The following ARIH2 variants were observed in gnomAD, a reference collection of about 807,000 sequenced individuals.
ARIH2 encodes ariadne RBR E3 ubiquitin protein ligase 2.
Under a neutral mutation model 79.8 loss-of-function variants are expected in ARIH2, and 12 were observed. The ratio of observed to expected loss-of-function variants is 0.15; its 90% CI spans 0.10 to 0.24. ARIH2 has a LOEUF of 0.24. Among genes scored for constraint, ARIH2 ranks in the 10% least tolerant of loss-of-function variants. The pLI, the probability that ARIH2 is intolerant of heterozygous loss-of-function variation, is 1.00. For missense variants in ARIH2, 301 were observed against 618.3 expected, an observed-to-expected ratio of 0.49 and a Z score of 5.44; for synonymous variants, 224 against 213.9, an observed-to-expected ratio of 1.05 and a Z score of -0.41.
intron 2 of ARIH2, among the ~76,000 whole-genome samples, chr3:48,923,186 G>A (rs1386915397): frequency 3.3e-5 from 5 of 151,182 alleles, no homozygotes; most frequent in East Asian, 1.9e-4. Context: ...CAGCCTGGGC[G>A]ACAGAGCGAG....
At chr3:48,979,834 G>A (rs2092687009) in intron 12 of ARIH2, 1 of 514,050 alleles carries the variant, frequency 1.9e-6, no homozygotes, top group South Asian at 3.6e-5. Context: ...AACAGGGAAG[G>A]ACCTGGTACT....
chr3:48,950,429 T>C, intron 3 of ARIH2, among the ~76,000 whole-genome samples: 1 of 152,238 alleles, frequency 6.6e-6, no homozygotes, highest in East Asian at 1.9e-4. Context: ...GATTACCGTA[T>C]GTAGCTTTAT....
chr3:48,931,122 CT>C (rs1261502046), intron 3 of ARIH2, among the ~76,000 whole-genome samples: 4 of 152,108 alleles, frequency 2.6e-5, no homozygotes, highest in Non-Finnish European at 4.4e-5. Flanking sequence ...AGCTCTTGCC[CT>C]GTCTCACAAC....
chr3:48,945,272 C>G, intron 3 of ARIH2: 20 of 1,188,038 alleles, frequency 1.7e-5, no homozygotes, highest in Non-Finnish European at 2.2e-5. Flanking sequence ...ATGTTGTTAA[C>G]TTGTCCTTGA....
In ARIH2 at chr3:48,973,494, A is replaced by T; in HGVS notation, c.771-205A>T. On this transcript the variant is annotated intron_variant, in intron 8 of 15. Transcript: ENST00000356401. ...CGGGAGGTTGAGTCAGGAGAATGGC[A>T]TGAACCCGGGAGGCAGAGCTTGCAG... 3 of 405,486 alleles carry T rather than the reference A, an allele frequency of 7.4e-6. No homozygotes were observed. The South Asian group carries it at 8.2e-5, about 11-fold the overall frequency. The allele number at this position is 405,486 out of a possible 1,614,324, so 25.1% of individuals were successfully genotyped here. A position where few individuals can be genotyped will look rare whatever the true frequency, so the allele number is the denominator to read the frequency against.
chr3:48,940,737 G>A (rs1314137590), intron 3 of ARIH2, among the ~76,000 whole-genome samples: 1 of 147,644 alleles, frequency 6.8e-6, no homozygotes, highest in Non-Finnish European at 1.5e-5. Context: ...AGAGGTTCCA[G>A]TGAGCTGAGA....
intron 3 of ARIH2, among the ~76,000 whole-genome samples, chr3:48,958,086 C>T (rs185032426): frequency 4.6e-5 from 7 of 152,234 alleles, no homozygotes; most frequent in Non-Finnish European, 5.9e-5. Flanking sequence ...TCAAAACTCC[C>T]GTGCTGCAGG....
intron 3 of ARIH2, among the ~76,000 whole-genome samples, chr3:48,947,008 A>G (rs1395010223): frequency 6.6e-6 from 1 of 152,218 alleles, no homozygotes. Flanking sequence ...CACAAATGTG[A>G]TTGCCCAAAG....
intron 14 of ARIH2, 141 bp downstream of exon 14, chr3:48,981,869 C>G (rs941051194): frequency 1.5e-4 from 98 of 634,328 alleles, no homozygotes; most frequent in Non-Finnish European, 9.0e-5. Context: ...CAAAATTCCA[C>G]TTCTGCTCTG....
chr3:48,922,247 T>C (rs2106806061), intron 1 of ARIH2: 1 of 151,984 alleles, frequency 6.6e-6, no homozygotes, highest in Non-Finnish European at 1.5e-5. Context: ...AAAGAAGTGG[T>C]CTTTCAAACT....
intron 3 of ARIH2, among the ~76,000 whole-genome samples, chr3:48,954,449 A>G (rs2090353054): frequency 6.6e-6 from 1 of 152,066 alleles, no homozygotes; most frequent in Admixed American, 6.6e-5. Context: ...AAAAAAAAAA[A>G]AGTTTTTTTC....
At chr3:48,919,160 C>G in intron 1 of ARIH2, 162 bp downstream of exon 1, 1 of 1,301,412 alleles carries the variant, frequency 7.7e-7, no homozygotes, top group Non-Finnish European at 9.7e-7. Context: ...TACCCGCCGT[C>G]AGCGGCCGGG....
chr3:48,976,801 T>G (rs2092526291), intron 11 of ARIH2, among the ~76,000 whole-genome samples: 1 of 152,094 alleles, frequency 6.6e-6, no homozygotes, highest in Non-Finnish European at 1.5e-5. Flanking sequence ...CAGAGTTCAC[T>G]GCCATCTCAC....
rs1451005020 is a variant in ARIH2, at chr3:48,985,455, T to C, written c.*2185T>C. On this transcript the variant is annotated 3_prime_UTR_variant, in exon 16 of 16. Coordinates refer to ENST00000356401, the MANE Select transcript of ARIH2 (RefSeq NM_006321.4). The stretch of plus-strand genomic sequence containing the variant: ...ATTTACCATATATCTTTGTTTTTCT[T>C]CAACGAAAAAGTTAATTGAGGCAAT... 6.6e-6 allele frequency: 1 copy of C among 152,242 alleles called. No individual in the cohort carries two copies. The allele number at this position is 152,242 out of a possible 1,614,324, so 9.4% of individuals were successfully genotyped here.
chr3:48,959,302 C>T (rs1223495577), intron 3 of ARIH2, among the ~76,000 whole-genome samples: 2 of 141,830 alleles, frequency 1.4e-5, no homozygotes, highest in Non-Finnish European at 3.0e-5. Flanking sequence ...GGTAATACAG[C>T]GAGACTCCAT....
chr3:48,936,567 T>A lies in ARIH2; in HGVS notation c.255+8754T>A, dbSNP rs370326084. Among the ~76,000 whole-genome samples the A allele has an allele frequency of 7.9e-5, 12 of 151,938 alleles. 2 individuals are homozygous for A. The highest frequency in any genetic ancestry group is 2.7e-4 in the African/African-American group (11 of 41,390). On this transcript the variant is annotated intron_variant, in intron 3 of 15. Transcript: ENST00000356401. The stretch of plus-strand genomic sequence containing the variant: ...AGCTAACATGGTGAAACCCTGTCTC[T>A]ACTAAATATACAAAAATTAGCTGGG...
At chr3:48,944,698 C>T (rs750691931) in intron 3 of ARIH2, among the ~76,000 whole-genome samples, 12 of 152,234 alleles carry the variant, frequency 7.9e-5, no homozygotes, top group Non-Finnish European at 1.3e-4. Flanking sequence ...GTCAGAAGCC[C>T]TATGAGACCC....
In ARIH2 at chr3:48,980,337, C is replaced by G; in HGVS notation, c.1114-16C>G. 1 of 1,610,984 alleles carries G rather than the reference C, an allele frequency of 6.2e-7. No individual in the cohort carries two copies. Among genetic ancestry groups the G allele is most frequent in the Non-Finnish European group, 8.5e-7 (1 of 1,179,162 alleles). Reference sequence around the variant, plus strand: ...ATGGGACTCCTGTGGTTTTCTTCTTCTTCTGTGCCCTGTAGTGGGAAAACC... The same window carrying G: ...ATGGGACTCCTGTGGTTTTCTTCTTGTTCTGTGCCCTGTAGTGGGAAAACC... On this transcript the variant is annotated splice_polypyrimidine_tract_variant and intron_variant, in intron 12 of 15. Coordinates refer to ENST00000356401, the MANE Select transcript of ARIH2 (RefSeq NM_006321.4).
intron 3 of ARIH2, among the ~76,000 whole-genome samples, chr3:48,946,522 A>G (rs1324135441): frequency 1.3e-5 from 2 of 151,784 alleles, no homozygotes; most frequent in African/African-American, 4.8e-5. Flanking sequence ...AATACAAATG[A>G]CCATAAACAA....
Sources: allele counts gnomAD v4.1 joint callset (sites outside exome capture counted in the v4.1 genomes callset), GRCh38; gene constraint gnomAD v4.1.1; transcripts MANE v1.5; gene names NCBI Gene and HGNC (gene_info 2026-07-23, HGNC 2026-07-21).